The following UNC80 variants were observed in gnomAD, a reference collection of about 807,000 sequenced individuals.
UNC80 encodes the protein protein unc-80 homolog.
UNC80 carries 164 observed loss-of-function variants against 384.6 expected under a neutral mutation model. That is an observed-to-expected ratio of 0.43 (90% CI 0.38 to 0.49). The LOEUF (loss-of-function observed/expected upper bound fraction) is 0.49. Ranked by LOEUF, UNC80 falls within the 20% of genes least tolerant of loss-of-function variation. The probability of loss-of-function intolerance (pLI) is 0.00; values close to 1 mark genes in which losing one functional copy is unlikely to be tolerated. For missense variants in UNC80, 3,330 were observed against 4,143.0 expected, an observed-to-expected ratio of 0.80 and a Z score of 5.39; for synonymous variants, 1,486 against 1,527.8, an observed-to-expected ratio of 0.97 and a Z score of 0.64.
chr2:209,879,253 T>C (rs1312894876), intron 24 of UNC80, among the ~76,000 whole-genome samples: 1 of 152,144 alleles, frequency 6.6e-6, no homozygotes, highest in South Asian at 2.1e-4. Context: ...AGGCCCACCA[T>C]AAGACCCATC....
intron 59 of UNC80, among the ~76,000 whole-genome samples, chr2:209,980,879 G>T (rs1214628996): frequency 6.6e-6 from 1 of 152,174 alleles, no homozygotes; most frequent in Non-Finnish European, 1.5e-5. Flanking sequence ...AATAGGATTT[G>T]GGAAAGGGCT....
At position 209,816,933 on chromosome 2, in the gene UNC80, G is replaced by C; in HGVS notation, c.1360G>C (p.Glu454Gln). The change falls in exon 10 of 65, where the codon GAG becomes CAG. Residue 454 changes from glutamate (E) to glutamine (Q), a missense_variant. Transcript: ENST00000673920. ...GTTCAAGAGCCGCAAAGAAGACCGAGAGAGGAAAGGCTCCATTCCATTCCA... is the reference window on the plus strand; with the variant it reads ...GTTCAAGAGCCGCAAAGAAGACCGACAGAGGAAAGGCTCCATTCCATTCCA... ...KKFKSRKEDR[E>Q]RKGSIPFHHT... The C allele has an allele frequency of 1.3e-6, 2 of 1,551,688 alleles. No individual in the cohort carries two copies. Among genetic ancestry groups the C allele is most frequent in the Non-Finnish European group, 1.7e-6 (2 of 1,146,998 alleles).
chr2:209,993,574 AG>A (rs2093430674), intron 63 of UNC80, 148 bp downstream of exon 63: 1 of 635,270 alleles, frequency 1.6e-6, no homozygotes, highest in African/African-American at 1.8e-5. Flanking sequence ...AGAAAACTGT[AG>A]TGTCTTTTTT....
At chr2:209,923,592 C>T (rs1279118103) in intron 35 of UNC80, among the ~76,000 whole-genome samples, 1 of 152,096 alleles carries the variant, frequency 6.6e-6, no homozygotes, top group Non-Finnish European at 1.5e-5. Context: ...CTCTCAGTAC[C>T]ATGAAATCTT....
At chr2:209,852,307 G>A (rs919268524) in intron 22 of UNC80, among the ~76,000 whole-genome samples, 1 of 152,100 alleles carries the variant, frequency 6.6e-6, no homozygotes, top group East Asian at 1.9e-4. Flanking sequence ...GGTTAAAGGA[G>A]CTCAGTAGTT....
chr2:209,773,823 A>G (rs2076718067), intron 2 of UNC80, among the ~76,000 whole-genome samples: 1 of 152,270 alleles, frequency 6.6e-6, no homozygotes, highest in Admixed American at 6.5e-5. Flanking sequence ...CTCCAATTCT[A>G]AAAATGAATA....
chr2:209,992,033 C>A, intron 61 of UNC80, 133 bp from the exon 62 acceptor site: 1 of 664,932 alleles, frequency 1.5e-6, no homozygotes, highest in Non-Finnish European at 2.4e-6. Context: ...CCCAGGGACT[C>A]TCCCAACCAT....
intron 45 of UNC80, among the ~76,000 whole-genome samples, chr2:209,944,261 T>C (rs1346901879): frequency 6.6e-6 from 1 of 152,190 alleles, no homozygotes; most frequent in African/African-American, 2.4e-5. Context: ...AAGGAAGGTT[T>C]CCCAATTTTC....
chr2:209,939,064 A>T (rs1317842210), intron 42 of UNC80, among the ~76,000 whole-genome samples: 2 of 152,086 alleles, frequency 1.3e-5, no homozygotes, highest in Non-Finnish European at 2.9e-5. Context: ...TTAAAGACAA[A>T]CCCGGAACTC....
intron 48 of UNC80, among the ~76,000 whole-genome samples, chr2:209,955,496 C>A (rs979589572): frequency 5.3e-5 from 8 of 151,606 alleles, no homozygotes; most frequent in African/African-American, 1.5e-4. Context: ...ACAGCCATGA[C>A]AAATTATCTC....
At chr2:209,971,339 T>G (rs1375053903) in intron 54 of UNC80, among the ~76,000 whole-genome samples, 3 of 152,178 alleles carry the variant, frequency 2.0e-5, no homozygotes, top group Admixed American at 1.3e-4. Flanking sequence ...CTTTCAAATG[T>G]TATCACTAGA....
intron 1 of UNC80, 99 bp from the exon 2 acceptor site, chr2:209,772,995 C>T: frequency 1.0e-6 from 1 of 960,810 alleles, no homozygotes; most frequent in Non-Finnish European, 1.6e-6. Flanking sequence ...ATTTGAATTT[C>T]ATAGCATCCT....
intron 38 of UNC80, among the ~76,000 whole-genome samples, chr2:209,932,820 A>C (rs1382513229): frequency 1.3e-5 from 2 of 152,194 alleles, no homozygotes; most frequent in Non-Finnish European, 2.9e-5. Flanking sequence ...TAGTTTTAAG[A>C]AATCATCTTT....
At chr2:209,816,226 A>G (rs1333920529) in intron 9 of UNC80, among the ~76,000 whole-genome samples, 1 of 152,238 alleles carries the variant, frequency 6.6e-6, no homozygotes, top group African/African-American at 2.4e-5. Context: ...TTCAGATTCA[A>G]TCCCAGACCA....
intron 16 of UNC80, among the ~76,000 whole-genome samples, chr2:209,832,156 G>C (rs1018172411): frequency 2.6e-5 from 4 of 151,992 alleles, no homozygotes; most frequent in Non-Finnish European, 4.4e-5. Flanking sequence ...AGGACTCAGG[G>C]GGAGGGTGGA....
intron 51 of UNC80, among the ~76,000 whole-genome samples, chr2:209,966,325 A>T (rs1430245051): frequency 6.6e-6 from 1 of 152,214 alleles, no homozygotes; most frequent in African/African-American, 2.4e-5. Context: ...TTGAGGAAAA[A>T]AATCAAGCTC....
chr2:209,834,258 A>C, intron 17 of UNC80, 90 bp downstream of exon 17: 9 of 1,351,326 alleles, frequency 6.7e-6, no homozygotes, highest in Non-Finnish European at 9.1e-6. Context: ...CCTGTGCTGA[A>C]ATGTCAGCAT....
In UNC80 at chr2:209,872,808, T is replaced by C. The variant is rs1316583390; in HGVS notation, c.3678T>C (p.Phe1226=). 1.3e-6 allele frequency: 2 copies of C among 1,551,508 alleles called. No homozygotes were observed. The highest frequency in any genetic ancestry group is 2.7e-5 in the African/African-American group (2 of 73,158). Residue 1226 remains phenylalanine (F), a synonymous_variant, in exon 23 of 65, where the codon TTT becomes TTC. Transcript: ENST00000673920. The surrounding 1 kb of genome is among the most constrained non-coding windows in gnomAD (Gnocchi z 4.1). ...CCTTGTTCCTGGAATGTGCTCGTTT[T>C]GTTCACCGCTGCAACCGTGGCAACT... ...RAALFLECAR[F]VHRCNRGNWP... is the part of the protein sequence containing the mutation.
chr2:209,907,097 G>A (rs2088314270), intron 29 of UNC80, among the ~76,000 whole-genome samples: 1 of 152,132 alleles, frequency 6.6e-6, no homozygotes, highest in South Asian at 2.1e-4. Context: ...GCCTACTGCA[G>A]ATGGACACTA....
Sources: gnomAD v4.1 joint callset for allele counts (sites outside exome capture counted in the v4.1 genomes callset) on GRCh38, gnomAD v4.1.1 for gene constraint, Gnocchi (gnomAD v3.1) non-coding constraint, MANE v1.5 for transcripts, NCBI Gene and HGNC (gene_info 2026-07-23, HGNC 2026-07-21) for gene names.